The following INO80 variants were observed in gnomAD, a reference collection of about 807,000 sequenced individuals.
INO80 encodes the protein chromatin-remodeling ATPase INO80.
In INO80, 20 loss-of-function variants were observed where a neutral mutation model predicts 203.4. The observed-to-expected ratio is 0.10, with a 90% CI of 0.07 to 0.14. The LOEUF is 0.14. Ranked by LOEUF, INO80 falls within the 10% of genes least tolerant of loss-of-function variation. The probability of loss-of-function intolerance (pLI) is 1.00; values close to 1 mark genes in which losing one functional copy is unlikely to be tolerated. For synonymous variants in INO80, 726 were observed against 685.2 expected (o/e 1.06, Z -0.93); for missense variants, 1,419 against 1,914.4 (o/e 0.74, Z 4.83).
intron 24 of INO80, among the ~76,000 whole-genome samples, chr15:41,043,373 T>C (rs181273586): frequency 2.0e-5 from 3 of 152,278 alleles, no homozygotes; most frequent in Admixed American, 6.5e-5. Context: ...GTGTTCCCAG[T>C]AGACATACTA....
intron 15 of INO80, among the ~76,000 whole-genome samples, chr15:41,059,328 A>C (rs2140556840): frequency 6.6e-6 from 1 of 151,296 alleles, no homozygotes; most frequent in South Asian, 2.1e-4. Context: ...TCAGCTTATT[A>C]AAGAAAAAAG....
At chr15:41,075,334 A>T (rs2045386544) in intron 9 of INO80, among the ~76,000 whole-genome samples, 1 of 151,404 alleles carries the variant, frequency 6.6e-6, no homozygotes, top group Admixed American at 6.6e-5. Flanking sequence ...GCAATGGCAC[A>T]ATCTGAGCCT....
rs116585264 is a variant in INO80 at position 40,983,970 on chromosome 15, C to G, written c.4078-49G>C. The G allele has an allele frequency of 9.2e-4, 1,461 of 1,586,654 alleles. 12 individuals are homozygous for G. The African/African-American group carries it at 0.015, about 17-fold the overall frequency. ...ATTACGACCCCCTGTGCTCACCGCC[C>G]ATGGCCTTGCACCCAGCTAGGAACA... On this transcript the variant is annotated intron_variant, in intron 33 of 35. Transcript: ENST00000648947.
At chr15:41,107,093 A>G (rs2045890954) in intron 1 of INO80, among the ~76,000 whole-genome samples, 1 of 152,248 alleles carries the variant, frequency 6.6e-6, no homozygotes, top group Non-Finnish European at 1.5e-5. Context: ...CCTCCCGTTT[A>G]GCAAGGTTGT....
intron 15 of INO80, 99 bp from the exon 16 acceptor site, chr15:41,058,880 C>T (rs141473707): frequency 7.9e-6 from 9 of 1,139,884 alleles, no homozygotes; most frequent in South Asian, 7.5e-5. Flanking sequence ...ATGTTTAAGA[C>T]AGCCCTGAAG....
intron 24 of INO80, among the ~76,000 whole-genome samples, 199 bp downstream of exon 24, chr15:41,044,704 AC>A (rs945479962): frequency 9.9e-5 from 15 of 151,814 alleles, no homozygotes; most frequent in African/African-American, 3.4e-4. Flanking sequence ...TGTAAAAAAA[AC>A]ATTTTGAAAA....
intron 26 of INO80, chr15:41,018,983 C>T (rs1215726537): frequency 6.6e-6 from 1 of 152,230 alleles, no homozygotes; most frequent in Non-Finnish European, 1.5e-5. Context: ...CTCTTACAAA[C>T]TTTCCTACAA....
At chr15:40,992,683 T>G (rs2043831594) in intron 29 of INO80, among the ~76,000 whole-genome samples, 2 of 152,208 alleles carry the variant, frequency 1.3e-5, no homozygotes, top group Non-Finnish European at 2.9e-5. Context: ...GCTGTCTCAT[T>G]TTTCTAAGAA....
intron 35 of INO80, among the ~76,000 whole-genome samples, chr15:40,980,686 C>T (rs1893793703): frequency 6.6e-6 from 1 of 152,200 alleles, no homozygotes; most frequent in Admixed American, 6.5e-5. Context: ...ACTTCATCCA[C>T]AGATGGTAAA....
chr15:40,988,034 CA>C (rs1268358930), intron 29 of INO80, 60 bp from the exon 30 acceptor site: 213 of 1,444,200 alleles, frequency 1.5e-4, no homozygotes, highest in Non-Finnish European at 2.0e-4. Context: ...ATTCTGAGAG[CA>C]ACCCAGCCAA....
At chr15:41,099,853 A>T (rs923308059) in intron 1 of INO80, among the ~76,000 whole-genome samples, 2 of 152,156 alleles carry the variant, frequency 1.3e-5, no homozygotes, top group Admixed American at 1.3e-4. Flanking sequence ...AGAAGATTTC[A>T]AAGAAATTGG....
chr15:41,102,445 T>C (rs2045823157), intron 1 of INO80, among the ~76,000 whole-genome samples: 1 of 152,072 alleles, frequency 6.6e-6, no homozygotes, highest in Non-Finnish European at 1.5e-5. Context: ...AGGCGGGCAA[T>C]CACCTGAGAT....
At chr15:40,995,028 G>C (rs921607308) in intron 29 of INO80, among the ~76,000 whole-genome samples, 2 of 152,062 alleles carry the variant, frequency 1.3e-5, no homozygotes, top group Non-Finnish European at 2.9e-5. Flanking sequence ...GCTAATTTTT[G>C]TATATTTAGC....
chr15:41,109,840 G>A (rs922998608), intron 1 of INO80, among the ~76,000 whole-genome samples: 8 of 151,802 alleles, frequency 5.3e-5, no homozygotes, highest in African/African-American at 1.5e-4. Flanking sequence ...GCTGAGGCAG[G>A]AGAATCACTT....
intron 7 of INO80, 82 bp downstream of exon 7, chr15:41,085,287 A>C: frequency 8.5e-7 from 1 of 1,178,552 alleles, no homozygotes; most frequent in Non-Finnish European, 1.3e-6. Context: ...CTGTGAAAGT[A>C]TCTAGCTCTC....
At chr15:41,063,109 G>A (rs575780630) in intron 14 of INO80, among the ~76,000 whole-genome samples, 2 of 152,222 alleles carry the variant, frequency 1.3e-5, no homozygotes, top group South Asian at 4.2e-4. Flanking sequence ...AGCTAAGGTG[G>A]GCAGATTACC....
At chr15:41,057,355 G>A (rs1180760859) in intron 16 of INO80, among the ~76,000 whole-genome samples, 3 of 151,782 alleles carry the variant, frequency 2.0e-5, no homozygotes, top group African/African-American at 7.3e-5. Flanking sequence ...CTGAGACTGA[G>A]ATGGGAGGAT....
chr15:41,116,000 A>G lies in INO80; in HGVS notation c.-71T>C, dbSNP rs1268000305. On this transcript the variant is annotated 5_prime_UTR_variant, in exon 1 of 36. Transcript: ENST00000648947. ...CGGGCCGCCTGGCCCCGCCGCCGCG[A>G]CGGCGGCGGAGGGGGGGCGGGGTGC... 8.2e-6 allele frequency: 3 copies of G among 364,878 alleles called. No individual in the cohort carries two copies. The highest frequency in any genetic ancestry group is 1.5e-5 in the Non-Finnish European group (3 of 206,010). 22.6% of individuals were successfully genotyped at this position (364,878 alleles called of 1,614,324 possible).
intron 19 of INO80, among the ~76,000 whole-genome samples, 154 bp from the exon 20 acceptor site, chr15:41,050,256 A>G (rs771803675): frequency 3.3e-5 from 5 of 152,230 alleles, no homozygotes; most frequent in African/African-American, 1.2e-4. Flanking sequence ...GTGGACAATC[A>G]TTCAGAAAAA....
Sources: gnomAD v4.1 joint callset for allele counts (sites outside exome capture counted in the v4.1 genomes callset) on GRCh38, gnomAD v4.1.1 for gene constraint, MANE v1.5 for transcripts, NCBI Gene and HGNC (gene_info 2026-07-23, HGNC 2026-07-21) for gene names.